Variants in ADAMTS12 observed in about 807,000 individuals in gnomAD.
ADAMTS12 encodes ADAM metallopeptidase with thrombospondin type 1 motif 12.
ADAMTS12 carries 118 observed loss-of-function variants against 167.8 expected under a neutral mutation model. The ratio of observed to expected loss-of-function variants is 0.70; its 90% CI spans 0.61 to 0.82. The LOEUF is 0.82. Among genes scored for constraint, ADAMTS12 ranks in the 40% least tolerant of loss-of-function variants. ADAMTS12 has a pLI of 0.00. For missense variants in ADAMTS12, 1,916 were observed against 1,998.8 expected (o/e 0.96, Z 0.79); for synonymous variants, 704 against 716.9 (o/e 0.98, Z 0.29).
chr5:33,638,294 A>G (rs1032353874), intron 11 of ADAMTS12, among the ~76,000 whole-genome samples: 1 of 152,230 alleles, frequency 6.6e-6, no homozygotes, highest in African/African-American at 2.4e-5. Context: ...TATCAGGCTA[A>G]ATTTTCAGAT....
At chr5:33,762,181 T>C (rs1356297764) in intron 2 of ADAMTS12, among the ~76,000 whole-genome samples, 2 of 129,844 alleles carry the variant, frequency 1.5e-5, no homozygotes, top group South Asian at 5.0e-4. Context: ...GACAGAGTGA[T>C]AAAGATGCCG....
At chr5:33,535,456 C>T (rs1434451049) in intron 22 of ADAMTS12, among the ~76,000 whole-genome samples, 1 of 152,084 alleles carries the variant, frequency 6.6e-6, no homozygotes, top group Non-Finnish European at 1.5e-5. Flanking sequence ...AATTTGAAAA[C>T]TTGGGTGTTG....
chr5:33,850,452 T>C (rs1749180793), intron 2 of ADAMTS12, among the ~76,000 whole-genome samples: 1 of 152,120 alleles, frequency 6.6e-6, no homozygotes, highest in South Asian at 2.1e-4. Flanking sequence ...GTCAGCCCCT[T>C]TTACAATCTC....
At chr5:33,613,226 T>C (rs1738819459) in intron 16 of ADAMTS12, among the ~76,000 whole-genome samples, 1 of 152,236 alleles carries the variant, frequency 6.6e-6, no homozygotes, top group Non-Finnish European at 1.5e-5. Context: ...CAGAACAGAC[T>C]TGGACGTGAC....
At chr5:33,771,398 TC>T (rs1421018464) in intron 2 of ADAMTS12, among the ~76,000 whole-genome samples, 1 of 152,158 alleles carries the variant, frequency 6.6e-6, no homozygotes, top group African/African-American at 2.4e-5. Context: ...CCTCAAAAAG[TC>T]AAAGAAAAAT....
chr5:33,870,124 A>G (rs963914898), intron 2 of ADAMTS12, among the ~76,000 whole-genome samples: 1 of 152,324 alleles, frequency 6.6e-6, no homozygotes, highest in South Asian at 2.1e-4. Context: ...TTCCCTGAAC[A>G]TCACTGTTAT....
chr5:33,722,779 C>A (rs972970128), intron 3 of ADAMTS12, among the ~76,000 whole-genome samples: 1 of 152,132 alleles, frequency 6.6e-6, no homozygotes, highest in African/African-American at 2.4e-5. Flanking sequence ...ATTGAGGGCT[C>A]ACTAGCAAGG....
At chr5:33,566,056 T>C (rs1037692990) in intron 19 of ADAMTS12, among the ~76,000 whole-genome samples, 23 of 152,186 alleles carry the variant, frequency 1.5e-4, no homozygotes, top group Admixed American at 2.6e-4. Flanking sequence ...CATACAACCA[T>C]TTTGTTTTTA....
At chr5:33,771,515 T>C (rs985930042) in intron 2 of ADAMTS12, among the ~76,000 whole-genome samples, 3 of 152,136 alleles carry the variant, frequency 2.0e-5, no homozygotes, top group African/African-American at 4.8e-5. Flanking sequence ...CCTTGAATAT[T>C]CTAAATTTCC....
At chr5:33,585,905 T>G (rs1444891321) in intron 18 of ADAMTS12, among the ~76,000 whole-genome samples, 1 of 152,116 alleles carries the variant, frequency 6.6e-6, no homozygotes, top group East Asian at 1.9e-4. Flanking sequence ...CTCTCCTCAC[T>G]GCTTGAGTTG....
intron 1 of ADAMTS12, 44 bp downstream of exon 1, chr5:33,891,686 C>T: frequency 6.2e-7 from 1 of 1,611,568 alleles, no homozygotes; most frequent in East Asian, 2.2e-5. Context: ...TCCCGCAAGT[C>T]TTACCACCAC....
chr5:33,588,534 A>G lies in ADAMTS12; in HGVS notation c.2865+65T>C, dbSNP rs1253290061. 2.5e-6 allele frequency: 4 copies of G among 1,579,384 alleles called. No individual in the cohort carries two copies. In the African/African-American group the frequency reaches 5.4e-5, roughly 21 times the overall value. On this transcript the variant is annotated intron_variant, in intron 18 of 23. Coordinates refer to ENST00000504830, the MANE Select transcript of ADAMTS12 (RefSeq NM_030955.4). ...TAGGGTCACTTTGGATTGGATAATG[A>G]GAAGGAAGGCAGGGGCTGATGAAGC...
In ADAMTS12 at chr5:33,523,659, C is replaced by G. The variant is rs1206808282; in HGVS notation, c.*3529G>C. On this transcript the variant is annotated 3_prime_UTR_variant, in exon 24 of 24. Transcript: ENST00000504830. The stretch of plus-strand genomic sequence containing the variant: ...GGTAGAAGGGGAAATGGCAAAGCAG[C>G]ACAGAGATGCAGGGAGGGCAATGGG... 6.6e-6 allele frequency: 1 copy of G among 152,156 alleles called. No individual in the cohort carries two copies. Among genetic ancestry groups the G allele is most frequent in the Non-Finnish European group, 1.5e-5 (1 of 68,038 alleles). 9.4% of individuals were successfully genotyped at this position (152,156 alleles called of 1,614,324 possible). A position where few individuals can be genotyped will look rare whatever the true frequency, so the allele number is the denominator to read the frequency against.
At chr5:33,881,539 C>T (rs1442643386) in intron 1 of ADAMTS12, 59 bp from the exon 2 acceptor site, 17 of 1,539,564 alleles carry the variant, frequency 1.1e-5, no homozygotes, top group Non-Finnish European at 1.5e-5. Flanking sequence ...AGCAAAGCCA[C>T]TTTCGTTTGG....
chr5:33,709,970 A>C (rs1434517386), intron 3 of ADAMTS12, among the ~76,000 whole-genome samples: 2 of 152,182 alleles, frequency 1.3e-5, no homozygotes, highest in African/African-American at 4.8e-5. Context: ...ACGCAAACCA[A>C]GTGTACGAGA....
intron 5 of ADAMTS12, among the ~76,000 whole-genome samples, chr5:33,670,691 G>A (rs1212432640): frequency 2.0e-5 from 3 of 152,138 alleles, no homozygotes; most frequent in African/African-American, 2.4e-5. Flanking sequence ...GCGGTGGGCC[G>A]AGATCGTGCC....
chr5:33,590,172 T>A (rs1747561952), intron 17 of ADAMTS12, among the ~76,000 whole-genome samples: 1 of 152,230 alleles, frequency 6.6e-6, no homozygotes, highest in Non-Finnish European at 1.5e-5. Context: ...AAGGTCTTAA[T>A]CTGAGTTGGT....
intron 23 of ADAMTS12, among the ~76,000 whole-genome samples, chr5:33,529,119 C>T (rs531270169): frequency 1.3e-5 from 2 of 152,190 alleles, no homozygotes; most frequent in South Asian, 2.1e-4. Flanking sequence ...CTGTGATCCC[C>T]GCCCTGCAGA....
At chr5:33,690,530 C>T (rs919989485) in intron 3 of ADAMTS12, among the ~76,000 whole-genome samples, 1 of 151,798 alleles carries the variant, frequency 6.6e-6, no homozygotes, top group South Asian at 2.1e-4. Flanking sequence ...GCACTCACTT[C>T]ATTCAGAATA....
Sources: allele counts gnomAD v4.1 joint callset (sites outside exome capture counted in the v4.1 genomes callset), GRCh38; gene constraint gnomAD v4.1.1; transcripts MANE v1.5; gene names NCBI Gene and HGNC (gene_info 2026-07-23, HGNC 2026-07-21).